STAU2: variants seen among roughly 807,000 people sequenced by gnomAD.
The protein encoded by STAU2 is staufen double-stranded RNA binding protein 2, also known as double-stranded RNA-binding protein Staufen homolog 2.
Under a neutral mutation model 65.9 loss-of-function variants are expected in STAU2, and 20 were observed. That is an observed-to-expected ratio of 0.30 (90% confidence interval 0.21 to 0.44). STAU2 has a LOEUF of 0.44. STAU2 is among the 20% of genes least tolerant of loss of function. The pLI is 1.00. For missense variants in STAU2, 558 were observed against 683.9 expected (o/e 0.82, Z 2.05); for synonymous variants, 232 against 233.9 (o/e 0.99, Z 0.07).
At chr8:73,538,298 T>C (rs1806314321) in intron 13 of STAU2, among the ~76,000 whole-genome samples, 1 of 152,176 alleles carries the variant, frequency 6.6e-6, no homozygotes, top group South Asian at 2.1e-4. Context: ...ACTATTTTTT[T>C]TACTTTTCTG....
intron 13 of STAU2, among the ~76,000 whole-genome samples, chr8:73,496,222 C>T (rs536148982): frequency 1.3e-5 from 2 of 151,360 alleles, no homozygotes; most frequent in South Asian, 2.1e-4. Context: ...CAAAAATACA[C>T]AAATTTGCTA....
At chr8:73,622,318 G>A (rs1486949036) in intron 6 of STAU2, among the ~76,000 whole-genome samples, 2 of 151,712 alleles carry the variant, frequency 1.3e-5, no homozygotes, top group Non-Finnish European at 2.9e-5. Context: ...AGTAGAGACA[G>A]GGTTTCACTG....
At position 73,618,916 on chromosome 8, in the gene STAU2, G is replaced by C. The variant is rs183585557; in HGVS notation, c.411-1465C>G. Among the ~76,000 whole-genome samples the C allele has an allele frequency of 5.9e-5, 9 of 152,326 alleles. No homozygotes were observed. The East Asian group carries it at 1.7e-3, about 29-fold the overall frequency. The stretch of plus-strand genomic sequence containing the variant: ...CGGAACTAAACAACTGGAAAATGGA[G>C]TACCCATCTATTGAGACAGTGAAGA... On this transcript the variant is annotated intron_variant, in intron 6 of 14. Transcript: ENST00000524300.
intron 6 of STAU2, among the ~76,000 whole-genome samples, chr8:73,642,447 C>T (rs1459821581): frequency 2.6e-5 from 4 of 151,982 alleles, no homozygotes; most frequent in Admixed American, 6.6e-5. Flanking sequence ...CTCTTGAACC[C>T]GGGAGGCGGA....
intron 6 of STAU2, among the ~76,000 whole-genome samples, chr8:73,655,155 A>G (rs995678780): frequency 1.8e-4 from 27 of 152,258 alleles, no homozygotes; most frequent in African/African-American, 6.5e-4. Flanking sequence ...AACATTTTAG[A>G]AAGTTACACA....
chr8:73,542,225 C>T (rs117575934), intron 13 of STAU2, among the ~76,000 whole-genome samples: 5,476 of 152,040 alleles, frequency 0.036, 278 homozygotes, highest in Admixed American at 0.13. Context: ...TTGCTTAAGC[C>T]TAGACAAAAC....
At chr8:73,717,708 C>T (rs1821352864) in intron 3 of STAU2, among the ~76,000 whole-genome samples, 2 of 152,132 alleles carry the variant, frequency 1.3e-5, no homozygotes, top group South Asian at 4.2e-4. Context: ...AGTGCAGTGG[C>T]GCGATCTCAG....
intron 3 of STAU2, among the ~76,000 whole-genome samples, chr8:73,737,115 C>A (rs535380119): frequency 2.0e-5 from 3 of 152,002 alleles, no homozygotes; most frequent in Middle Eastern, 6.9e-3. Context: ...GATCTACCTG[C>A]CTTCGTCTCC....
At chr8:73,647,567 G>C (rs1815486692) in intron 6 of STAU2, among the ~76,000 whole-genome samples, 1 of 151,200 alleles carries the variant, frequency 6.6e-6, no homozygotes, top group Non-Finnish European at 1.5e-5. Context: ...TGTGGTGACA[G>C]AATAATTCTG....
At chr8:73,646,964 C>A (rs1233295335) in intron 6 of STAU2, among the ~76,000 whole-genome samples, 1 of 151,264 alleles carries the variant, frequency 6.6e-6, no homozygotes, top group African/African-American at 2.4e-5. Context: ...CACACACACA[C>A]ACACACACAC....
chr8:73,747,261 C>G (rs1351604242), upstream of STAU2: 10 of 1,176,218 alleles, frequency 8.5e-6, no homozygotes, highest in Non-Finnish European at 1.2e-6. Flanking sequence ...TCCCCGCCCC[C>G]TCGTCTGCCA....
intron 8 of STAU2, among the ~76,000 whole-genome samples, chr8:73,614,616 T>C (rs1394551380): frequency 6.6e-6 from 1 of 152,186 alleles, no homozygotes; most frequent in Non-Finnish European, 1.5e-5. Context: ...TAATCTGCAA[T>C]ACTAAATATT....
At position 73,615,878 on chromosome 8, in the gene STAU2, G is replaced by A. The variant is rs113762301; in HGVS notation, c.571-96C>T. On this transcript the variant is annotated intron_variant, in intron 7 of 14. Coordinates refer to ENST00000524300, the MANE Select transcript of STAU2 (RefSeq NM_001164380.2). ...AGATGGCCTATTTAAATTACAAGAA[G>A]AAACAACAAACTATATAGACTGTAT... is the stretch of plus-strand genomic sequence containing the variant. The A allele has an allele frequency of 1.7e-3, 1,548 of 904,686 alleles. 19 individuals are homozygous for A. The African/African-American group carries it at 0.02, about 12-fold the overall frequency. The allele number at this position is 904,686 out of a possible 1,614,324, so 56.0% of individuals were successfully genotyped here. A position where few individuals can be genotyped will look rare whatever the true frequency, so the allele number is the denominator to read the frequency against.
At chr8:73,470,877 C>T (rs1374521848) in intron 13 of STAU2, among the ~76,000 whole-genome samples, 1 of 152,078 alleles carries the variant, frequency 6.6e-6, no homozygotes, top group Non-Finnish European at 1.5e-5. Flanking sequence ...TGAAGCAGTG[C>T]CACCACTAGT....
chr8:73,581,414 G>A (rs111997464), intron 12 of STAU2, among the ~76,000 whole-genome samples: 1,649 of 152,202 alleles, frequency 0.011, 30 homozygotes, highest in African/African-American at 0.037. Flanking sequence ...TTTCTGGCAC[G>A]CCTACATAGA....
chr8:73,679,826 T>A (rs558515071), intron 5 of STAU2, among the ~76,000 whole-genome samples: 46 of 150,938 alleles, frequency 3.0e-4, no homozygotes, highest in African/African-American at 1.1e-3. Flanking sequence ...AGGCGGAGGC[T>A]GCAGTAAGCC....
At chr8:73,624,001 T>C (rs1321697291) in intron 6 of STAU2, among the ~76,000 whole-genome samples, 2 of 152,212 alleles carry the variant, frequency 1.3e-5, no homozygotes, top group African/African-American at 2.4e-5. Context: ...TGTAAGTATG[T>C]TTTAAATGCC....
rs182636661 is a variant in STAU2, at chr8:73,660,219, C to T, written c.410+12888G>A. ...GGCTGAGGTGGGCGGATCACAAGGT[C>T]AGGAGTTCAAGACCAGCCTGACCAA... is the stretch of plus-strand genomic sequence containing the variant. On this transcript the variant is annotated intron_variant, in intron 6 of 14. Transcript: ENST00000524300. Among the ~76,000 whole-genome samples, 992 of 152,270 alleles carry T rather than the reference C, an allele frequency of 6.5e-3. 8 individuals are homozygous for T. The highest frequency in any genetic ancestry group is 8.4e-3 in the Non-Finnish European group (569 of 68,024).
chr8:73,573,597 C>T (rs1809280878), intron 12 of STAU2, among the ~76,000 whole-genome samples: 1 of 152,070 alleles, frequency 6.6e-6, no homozygotes, highest in South Asian at 2.1e-4. Flanking sequence ...GAAATAATAC[C>T]ACACATTTAT....
Sources: gnomAD v4.1 joint callset for allele counts (sites outside exome capture counted in the v4.1 genomes callset) on GRCh38, gnomAD v4.1.1 for gene constraint, MANE v1.5 for transcripts, NCBI Gene and HGNC (gene_info 2026-07-23, HGNC 2026-07-21) for gene names.